Variants in CFAP251 observed in about 807,000 individuals in gnomAD.
The protein encoded by CFAP251 is cilia and flagella associated protein 251.
Under a neutral mutation model 126.7 loss-of-function variants are expected in CFAP251, and 93 were observed. The ratio of observed to expected loss-of-function variants is 0.73; its 90% CI spans 0.62 to 0.87. The LOEUF (loss-of-function observed/expected upper bound fraction) is 0.87, where lower values mean the gene tolerates loss of function less well. Ranked by LOEUF, CFAP251 falls within the 40% of genes least tolerant of loss-of-function variation. The pLI, the probability that CFAP251 is intolerant of heterozygous loss-of-function variation, is 0.00. For missense variants in CFAP251, 1,287 were observed against 1,389.2 expected, an observed-to-expected ratio of 0.93 and a Z score of 1.17; for synonymous variants, 503 against 506.9, an observed-to-expected ratio of 0.99 and a Z score of 0.10.
intron 19 of CFAP251, among the ~76,000 whole-genome samples, chr12:121,978,029 C>T (rs1182238434): frequency 6.6e-6 from 1 of 150,744 alleles, no homozygotes; most frequent in African/African-American, 2.4e-5. Flanking sequence ...TAATTGATAC[C>T]ACATGGAATA....
chr12:121,925,132 TCCATTCCAA>T (rs1880360785), intron 3 of CFAP251, among the ~76,000 whole-genome samples: 1 of 151,858 alleles, frequency 6.6e-6, no homozygotes, highest in Admixed American at 6.6e-5. Flanking sequence ...CCCAAAACCA[TCCATTCCAA>T]GAGGGTCCCA....
chr12:121,923,686 T>C lies in CFAP251; in HGVS notation c.443T>C (p.Leu148Pro), dbSNP rs756267313. 2 of 1,614,150 alleles carry C rather than the reference T, an allele frequency of 1.2e-6. No individual in the cohort carries two copies. The highest frequency in any genetic ancestry group is 4.5e-5 in the East Asian group (2 of 44,888). Residue 148 changes from leucine (L) to proline (P), a missense_variant, in exon 3 of 22, where the codon CTT becomes CCT. By Grantham distance (98) the Leu-to-Pro change is moderately conservative. Transcript: ENST00000288912. ...LQLEDAETDE[L>P]LRDLSTQIEF... ...TTGGAGGATGCAGAAACAGATGAGC[T>C]TTTAAGAGACCTGAGCACACAAATT...
rs1221157758 is a variant in CFAP251, at chr12:121,923,622, A to G, written c.379A>G (p.Lys127Glu). 1 of 1,593,476 alleles carries G rather than the reference A, an allele frequency of 6.3e-7. No individual in the cohort carries two copies. Among genetic ancestry groups the G allele is most frequent in the Non-Finnish European group, 8.5e-7 (1 of 1,173,588 alleles). ...CATGATATTTTATTTCTTTTTAAAG[A>G]AAACCCAAAGAGGTAGCAAGTCAAA... is the stretch of plus-strand genomic sequence containing the variant. ...SQSITSGIFP[K>E]TQRGSKSKLS... is the part of the protein sequence containing the mutation. The change falls in exon 3 of 22, where the codon AAA becomes GAA. Residue 127 changes from lysine (K) to glutamate (E), a missense_variant and splice_region_variant. Physicochemically the swap from Lys to Glu is moderately conservative, Grantham distance 56. Transcript: ENST00000288912.
intron 15 of CFAP251, among the ~76,000 whole-genome samples, chr12:121,965,905 G>A (rs1184893): frequency 0.62 from 91,191 of 146,504 alleles, 30,969 homozygotes; most frequent in Non-Finnish European, 0.77. Context: ...CTGCAGCCTC[G>A]ACCTCCCAGG....
At chr12:121,975,714 C>A (rs372196236) in intron 19 of CFAP251, 29 bp downstream of exon 19, 2 of 1,537,894 alleles carry the variant, frequency 1.3e-6, no homozygotes, top group African/African-American at 2.8e-5. Flanking sequence ...AGAGCAGCAA[C>A]GGGATGTGCT....
At chr12:121,986,633 C>T (rs1280341843) in intron 19 of CFAP251, among the ~76,000 whole-genome samples, 8 of 150,078 alleles carry the variant, frequency 5.3e-5, no homozygotes, top group Non-Finnish European at 3.0e-5. Context: ...GATGTAGTGG[C>T]TCACGCCTGA....
intron 19 of CFAP251, among the ~76,000 whole-genome samples, chr12:121,992,888 T>C (rs1226684490): frequency 6.6e-6 from 1 of 152,192 alleles, no homozygotes; most frequent in Non-Finnish European, 1.5e-5. Context: ...ATTTATCTTA[T>C]GTTATGATTA....
chr12:121,980,748 T>A (rs2135803963), intron 19 of CFAP251, among the ~76,000 whole-genome samples: 1 of 152,362 alleles, frequency 6.6e-6, no homozygotes. Context: ...GTGGTTCTGC[T>A]TCTTCTGTTT....
Position 121,923,566 on chromosome 12 carries a change from A to C in CFAP251, c.379-56A>C, listed in dbSNP as rs551666798. 151 of 1,539,480 alleles carry C rather than the reference A, an allele frequency of 9.8e-5. 1 individual carries two copies. In the South Asian group the frequency reaches 1.9e-3, roughly 20 times the overall value. On this transcript the variant is annotated intron_variant, in intron 2 of 21. Coordinates refer to ENST00000288912, the MANE Select transcript of CFAP251 (RefSeq NM_144668.6). Reference sequence around the variant, plus strand: ...TGGCTGACTGGGAATAGAAAAGGTGAATAAATGGTGAGTAGCAGCACATAT... The same window carrying C: ...TGGCTGACTGGGAATAGAAAAGGTGCATAAATGGTGAGTAGCAGCACATAT...
At chr12:121,959,768 C>T (rs548570967) in intron 13 of CFAP251, 11 of 152,278 alleles carry the variant, frequency 7.2e-5, no homozygotes, top group South Asian at 2.1e-4. Context: ...CATAGTTTCA[C>T]GTTCATACTT....
At chr12:121,985,068 A>G (rs1882713299) in intron 19 of CFAP251, among the ~76,000 whole-genome samples, 1 of 152,214 alleles carries the variant, frequency 6.6e-6, no homozygotes, top group African/African-American at 2.4e-5. Flanking sequence ...ATTTGATCTC[A>G]GTGTAATTCT....
chr12:121,943,798 C>T (rs1428704255), intron 7 of CFAP251, among the ~76,000 whole-genome samples: 1 of 152,178 alleles, frequency 6.6e-6, no homozygotes, highest in East Asian at 1.9e-4. Context: ...ATTTTTGAAG[C>T]ACTTATGTTC....
At chr12:121,990,389 G>A (rs894833252) in intron 19 of CFAP251, among the ~76,000 whole-genome samples, 1 of 152,202 alleles carries the variant, frequency 6.6e-6, no homozygotes, top group African/African-American at 2.4e-5. Context: ...CATGGGCCCC[G>A]GAAGTGGGCT....
chr12:121,988,419 T>C (rs1025404515), intron 19 of CFAP251, among the ~76,000 whole-genome samples: 1 of 152,190 alleles, frequency 6.6e-6, no homozygotes, highest in Non-Finnish European at 1.5e-5. Flanking sequence ...ACCGATGTGC[T>C]TTCTGTCTCT....
chr12:121,962,992 C>T (rs1361498303), intron 15 of CFAP251, among the ~76,000 whole-genome samples: 2 of 152,060 alleles, frequency 1.3e-5, no homozygotes, highest in African/African-American at 2.4e-5. Flanking sequence ...GCCAGGCACA[C>T]GGCACCCTGG....
In CFAP251 at chr12:121,958,408, A is replaced by G. The variant is rs767962446; in HGVS notation, c.1867A>G (p.Ile623Val). ...CCACCCATATCAACCCCTCATTGCC[A>G]TCGGGAGCATCTGTGGGATGATCAA... is the stretch of plus-strand genomic sequence containing the variant. ...SCHPYQPLIA[I>V]GSICGMIKVW... The change falls in exon 12 of 22, where the codon ATC becomes GTC. Residue 623 changes from isoleucine (I) to valine (V), a missense_variant. Physicochemically the swap from Ile to Val is conservative, Grantham distance 29 (BLOSUM62 3). Transcript: ENST00000288912. 2 of 1,614,242 alleles carry G rather than the reference A, an allele frequency of 1.2e-6. No individual in the cohort carries two copies. The highest frequency in any genetic ancestry group is 1.7e-6 in the Non-Finnish European group (2 of 1,180,040).
In CFAP251 at chr12:121,923,738, T is replaced by C. The variant is rs1880285920; in HGVS notation, c.495T>C (p.Ser165=). ...AATTTCTTGATTTGGATCAAATCAGTCCTGAGGAACAACAGATTAGTTCCC... is the reference window on the plus strand; with the variant it reads ...AATTTCTTGATTTGGATCAAATCAGCCCTGAGGAACAACAGATTAGTTCCC... ...QIEFLDLDQI[S]PEEQQISSPE... is the part of the protein sequence containing the mutation. The change falls in exon 3 of 22, where the codon AGT becomes AGC. Residue 165 remains serine, a synonymous_variant. Coordinates refer to ENST00000288912, the MANE Select transcript of CFAP251 (RefSeq NM_144668.6). 6.2e-7 allele frequency: 1 copy of C among 1,614,012 alleles called. No individual in the cohort carries two copies. Among genetic ancestry groups the C allele is most frequent in the African/African-American group, 1.3e-5 (1 of 74,898 alleles).
At position 121,921,448 on chromosome 12, in the gene CFAP251, G is replaced by A; in HGVS notation, c.143G>A (p.Arg48Lys). 1.9e-6 allele frequency: 3 copies of A among 1,613,410 alleles called. No homozygotes were observed. Among genetic ancestry groups the A allele is most frequent in the Non-Finnish European group, 2.5e-6 (3 of 1,179,846 alleles). Residue 48 changes from arginine (R) to lysine (K), a missense_variant, in exon 2 of 22, where the codon AGA becomes AAA. Arg to Lys is a conservative substitution (Grantham distance 26). Coordinates refer to ENST00000288912, the MANE Select transcript of CFAP251 (RefSeq NM_144668.6). ...QESKDDTIAW[R>K]ESQEEERKTG... ...TCAAAAGATGACACAATAGCATGGA[G>A]AGAGTCTCAGGAGGAGGAGAGGAAA...
At chr12:121,973,349 T>C (rs1311831226) in intron 17 of CFAP251, among the ~76,000 whole-genome samples, 1 of 152,230 alleles carries the variant, frequency 6.6e-6, no homozygotes, top group Non-Finnish European at 1.5e-5. Context: ...GGCAGAAGTT[T>C]GTTGCAGGGG....
Sources: allele counts gnomAD v4.1 joint callset (sites outside exome capture counted in the v4.1 genomes callset), GRCh38; gene constraint gnomAD v4.1.1; transcripts MANE v1.5; gene names NCBI Gene and HGNC (gene_info 2026-07-23, HGNC 2026-07-21).